The following NRG4 variants were observed in gnomAD, a reference collection of about 807,000 sequenced individuals.
The protein encoded by NRG4 is pro-neuregulin-4, membrane-bound isoform.
NRG4 carries 10 observed loss-of-function variants against 15.0 expected under a neutral mutation model. The observed-to-expected ratio is 0.67, with a 90% CI of 0.41 to 1.13. The LOEUF (loss-of-function observed/expected upper bound fraction) is 1.13, where lower values mean the gene tolerates loss of function less well. Among genes scored for constraint, NRG4 ranks in the 50% most tolerant of loss-of-function variants. The pLI is 0.00. For synonymous variants in NRG4, 41 were observed against 50.1 expected (o/e 0.82, Z 0.77); for missense variants, 139 against 140.2 (o/e 0.99, Z 0.04).
At chr15:76,019,738 G>A (rs755177315) in intron 5 of NRG4, among the ~76,000 whole-genome samples, 2 of 152,196 alleles carry the variant, frequency 1.3e-5, no homozygotes, top group East Asian at 1.9e-4. Flanking sequence ...GAAATCACCC[G>A]CCTTCTGTGT....
chr15:75,946,960 A>T (rs2031563781), intron 5 of NRG4, among the ~76,000 whole-genome samples: 1 of 152,124 alleles, frequency 6.6e-6, no homozygotes, highest in Non-Finnish European at 1.5e-5. Context: ...ACTGATGGGT[A>T]TTTGGGTTGT....
chr15:75,986,051 T>C (rs2033790110), intron 3 of NRG4, among the ~76,000 whole-genome samples: 2 of 152,150 alleles, frequency 1.3e-5, no homozygotes, highest in East Asian at 1.9e-4. Flanking sequence ...TATCAAAAGA[T>C]TGAATTAAAA....
At chr15:76,005,957 A>G (rs1194132263) in intron 3 of NRG4, 3 of 248,426 alleles carry the variant, frequency 1.2e-5, no homozygotes, top group African/African-American at 6.7e-5. Context: ...GAAGGCTGAA[A>G]GAGCTAGGCT....
intron 4 of NRG4, among the ~76,000 whole-genome samples, chr15:76,043,893 C>T (rs914649200): frequency 1.6e-4 from 24 of 152,232 alleles, no homozygotes; most frequent in Admixed American, 5.2e-4. Context: ...AATTACACTA[C>T]AGACCTACTG....
chr15:76,019,039 G>T (rs1437035601), intron 5 of NRG4, among the ~76,000 whole-genome samples: 2 of 151,952 alleles, frequency 1.3e-5, no homozygotes, highest in Non-Finnish European at 2.9e-5. Context: ...CCAGAGAGAA[G>T]AAATCTAGAG....
chr15:76,041,627 G>T (rs1391360012), intron 4 of NRG4, among the ~76,000 whole-genome samples: 1 of 152,052 alleles, frequency 6.6e-6, no homozygotes, highest in African/African-American at 2.4e-5. Context: ...TTCAGCAAGA[G>T]AATATAACAA....
At chr15:76,043,222 C>T (rs1050362538) in intron 4 of NRG4, among the ~76,000 whole-genome samples, 1 of 152,152 alleles carries the variant, frequency 6.6e-6, no homozygotes, top group Non-Finnish European at 1.5e-5. Context: ...CTGAGTCTTT[C>T]TTCTAAGATC....
intron 2 of NRG4, among the ~76,000 whole-genome samples, chr15:76,055,701 T>C (rs1003326786): frequency 6.6e-6 from 1 of 152,238 alleles, no homozygotes; most frequent in Non-Finnish European, 1.5e-5. Context: ...TAAATTCATA[T>C]ACTAAAACTT....
At chr15:75,993,373 C>T (rs1355041703) in intron 3 of NRG4, among the ~76,000 whole-genome samples, 1 of 88,870 alleles carries the variant, frequency 1.1e-5, no homozygotes, top group African/African-American at 4.5e-5. Context: ...CATCATTTGA[C>T]AAGTCACTGA....
chr15:76,034,384 TGGTTA>T (rs2035550917), intron 5 of NRG4, among the ~76,000 whole-genome samples: 1 of 152,230 alleles, frequency 6.6e-6, no homozygotes, highest in South Asian at 2.1e-4. Context: ...GTAAATTCCC[TGGTTA>T]GTCAATCTGC....
intron 5 of NRG4, among the ~76,000 whole-genome samples, chr15:76,029,221 C>A (rs1475022995): frequency 6.6e-6 from 1 of 152,090 alleles, no homozygotes. Flanking sequence ...TCAACAGGTG[C>A]AGAAAAGAGC....
At chr15:76,059,868 C>T (rs1020602350), upstream of NRG4, 2 of 145,102 alleles carry the variant, frequency 1.4e-5, no homozygotes, top group Non-Finnish European at 3.1e-5. Context: ...GGCGCGAGGC[C>T]TCGCGCGCGC....
chr15:76,052,713 C>G (rs2036049938), intron 3 of NRG4, among the ~76,000 whole-genome samples: 1 of 150,880 alleles, frequency 6.6e-6, no homozygotes, highest in Admixed American at 6.6e-5. Context: ...TCCCAAAGAG[C>G]TTTTACTTTA....
chr15:75,977,143 C>T lies in NRG4; in HGVS notation c.105-15169G>A, dbSNP rs946765260. Among the ~76,000 whole-genome samples the T allele has an allele frequency of 6.6e-6, 1 of 152,102 alleles. No homozygotes were observed. The highest frequency in any genetic ancestry group is 1.5e-5 in the Non-Finnish European group (1 of 68,010). On this transcript the variant is annotated intron_variant, in intron 3 of 5. Coordinates refer to ENST00000394907, the MANE Select transcript of NRG4 (RefSeq NM_138573.4). The surrounding 1 kb of genome is among the most constrained non-coding windows in gnomAD (Gnocchi z 4.9). The stretch of plus-strand genomic sequence containing the variant: ...TGTTTACACTATGAGGGGAAAACTG[C>T]CCACTCAAGCCTCCAGATGCCCCTC...
Position 75,941,580 on chromosome 15 carries a change from T to C in NRG4, c.*2058A>G, listed in dbSNP as rs923924547. Reference sequence around the variant, plus strand: ...TGTGTTATATCCATACAATGGAATATTATTCAGCCATAAAAAGGAAATCCT... The same window carrying C: ...TGTGTTATATCCATACAATGGAATACTATTCAGCCATAAAAAGGAAATCCT... On this transcript the variant is annotated 3_prime_UTR_variant, in exon 6 of 6. Coordinates refer to ENST00000394907, the MANE Select transcript of NRG4 (RefSeq NM_138573.4). 4.6e-5 allele frequency: 7 copies of C among 152,172 alleles called. No individual in the cohort carries two copies. The highest frequency in any genetic ancestry group is 1.7e-4 in the African/African-American group (7 of 41,444). The allele number at this position is 152,172 out of a possible 1,614,324, so 9.4% of individuals were successfully genotyped here. A position where few individuals can be genotyped will look rare whatever the true frequency, so the allele number is the denominator to read the frequency against.
intron 2 of NRG4, among the ~76,000 whole-genome samples, chr15:76,055,942 A>C (rs764315923): frequency 6.6e-6 from 1 of 152,218 alleles, no homozygotes; most frequent in Non-Finnish European, 1.5e-5. Flanking sequence ...TATGCCATTC[A>C]AGGTAAAATC....
At position 76,049,315 on chromosome 15, in the gene NRG4, T is replaced by G. The variant is rs116101961; in HGVS notation, c.-105+2752A>C. On this transcript the variant is annotated intron_variant, in intron 4 of 8. Coordinates refer to the NRG4 transcript ENST00000563910. ...AGAAATATTATCTTAAAGTTCCTAA[T>G]TTTTCCTCAACTTGTGTCTATTTTT... 6.2e-3 allele frequency among the ~76,000 whole-genome samples: 942 copies of G among 150,964 alleles called. 61 individuals carry two copies. Among genetic ancestry groups the G allele is most frequent in the African/African-American group, 0.022 (871 of 40,506 alleles).
At chr15:76,026,927 C>A (rs570532658) in intron 5 of NRG4, among the ~76,000 whole-genome samples, 1 of 152,118 alleles carries the variant, frequency 6.6e-6, no homozygotes, top group East Asian at 1.9e-4. Flanking sequence ...TTGAGACCAT[C>A]CTGGCTAACA....
At chr15:75,998,689 A>T (rs1168303947) in intron 3 of NRG4, among the ~76,000 whole-genome samples, 1 of 152,214 alleles carries the variant, frequency 6.6e-6, no homozygotes, top group East Asian at 1.9e-4. Flanking sequence ...AAATTTACAT[A>T]TGGAAACAGA....
Sources: allele counts gnomAD v4.1 joint callset (sites outside exome capture counted in the v4.1 genomes callset), GRCh38; gene constraint gnomAD v4.1.1; non-coding constraint Gnocchi (gnomAD v3.1); transcripts MANE v1.5; gene names NCBI Gene and HGNC (gene_info 2026-07-23, HGNC 2026-07-21).